GULP1: variants seen among roughly 807,000 people sequenced by gnomAD.
GULP1 encodes the protein GULP PTB domain containing engulfment adaptor 1.
GULP1 carries 19 observed loss-of-function variants against 40.9 expected under a neutral mutation model. That is an observed-to-expected ratio of 0.46 (90% CI 0.32 to 0.68). The LOEUF (loss-of-function observed/expected upper bound fraction) is 0.68. Ranked by LOEUF, GULP1 falls within the 30% of genes least tolerant of loss-of-function variation. GULP1 has a pLI of 0.03. For missense variants in GULP1, 312 were observed against 362.2 expected (o/e 0.86, Z 1.12); for synonymous variants, 119 against 117.6 (o/e 1.01, Z -0.08).
chr2:188,370,897 A>C (rs2152437433), intron 1 of GULP1, among the ~76,000 whole-genome samples: 1 of 152,062 alleles, frequency 6.6e-6, no homozygotes, highest in South Asian at 2.1e-4. Context: ...TGTTGGTTTG[A>C]TTTTTGGCAG....
At chr2:188,352,521 G>T (rs2044594054) in intron 1 of GULP1, among the ~76,000 whole-genome samples, 1 of 151,680 alleles carries the variant, frequency 6.6e-6, no homozygotes, top group Non-Finnish European at 1.5e-5. Flanking sequence ...TTCCGTCATT[G>T]CATGAGCCCA....
intron 2 of GULP1, among the ~76,000 whole-genome samples, chr2:188,400,095 G>C (rs1333565609): frequency 6.6e-6 from 1 of 152,066 alleles, no homozygotes; most frequent in Non-Finnish European, 1.5e-5. Flanking sequence ...CAAAACCTAG[G>C]TACCAGGGGT....
In GULP1 at chr2:188,398,212, C is replaced by T. The variant is rs994285243; in HGVS notation, c.-45+14323C>T. On this transcript the variant is annotated intron_variant, in intron 2 of 11. Coordinates refer to ENST00000409830, the MANE Select transcript of GULP1 (RefSeq NM_016315.4). ...AAGGAACAAAATTTCTACTACAGCC[C>T]GGGGAGAAAGTGCTACGTTTCCAAC... Among the ~76,000 whole-genome samples the T allele has an allele frequency of 6.6e-5, 10 of 152,242 alleles. 1 individual carries two copies. The highest frequency in any genetic ancestry group is 4.2e-4 in the South Asian group (2 of 4,818).
intron 4 of GULP1, among the ~76,000 whole-genome samples, chr2:188,512,622 T>G (rs773827599): frequency 7.2e-5 from 11 of 152,232 alleles, no homozygotes; most frequent in East Asian, 1.9e-4. Flanking sequence ...AAAGCAGATA[T>G]TCTAAATGAG....
chr2:188,328,133 T>C (rs1260838380), intron 1 of GULP1, among the ~76,000 whole-genome samples: 1 of 152,130 alleles, frequency 6.6e-6, no homozygotes, highest in African/African-American at 2.4e-5. Context: ...TAATAACATA[T>C]CTGATTACCT....
At chr2:188,329,913 A>G (rs564077480) in intron 1 of GULP1, among the ~76,000 whole-genome samples, 3 of 152,288 alleles carry the variant, frequency 2.0e-5, no homozygotes, top group South Asian at 2.1e-4. Context: ...CTTTTCTGAT[A>G]GGAGAATAGT....
chr2:188,448,297 A>G (rs753895754), intron 2 of GULP1, among the ~76,000 whole-genome samples: 7 of 152,274 alleles, frequency 4.6e-5, no homozygotes, highest in Middle Eastern at 3.4e-3. Context: ...CAGGATCTGT[A>G]TTATTTCTTT....
chr2:188,365,952 A>G lies in GULP1; in HGVS notation c.-171-17811A>G, dbSNP rs141126927. 4.3e-3 allele frequency among the ~76,000 whole-genome samples: 658 copies of G among 152,322 alleles called. 10 individuals are homozygous for G. Among genetic ancestry groups the G allele is most frequent in the African/African-American group, 0.015 (623 of 41,574 alleles). On this transcript the variant is annotated intron_variant, in intron 1 of 11. Coordinates refer to ENST00000409830, the MANE Select transcript of GULP1 (RefSeq NM_016315.4). The stretch of plus-strand genomic sequence containing the variant: ...CAAGTGGCCAGAACATTAGTAGGTT[A>G]GTGTCATACCAATGCCAGGGCCAGA...
At chr2:188,376,523 A>G (rs770665493) in intron 1 of GULP1, among the ~76,000 whole-genome samples, 25 of 152,256 alleles carry the variant, frequency 1.6e-4, no homozygotes, top group Non-Finnish European at 3.2e-4. Flanking sequence ...AAAGGCCATA[A>G]GCCATAAGGT....
intron 6 of GULP1, among the ~76,000 whole-genome samples, chr2:188,538,994 T>C (rs1426368505): frequency 6.6e-6 from 1 of 152,126 alleles, no homozygotes; most frequent in Admixed American, 6.6e-5. Context: ...ATAGAATCTT[T>C]ATTTTTTTTT....
At chr2:188,498,139 C>T (rs2063078916) in intron 4 of GULP1, among the ~76,000 whole-genome samples, 1 of 151,834 alleles carries the variant, frequency 6.6e-6, no homozygotes, top group African/African-American at 2.4e-5. Flanking sequence ...GGTGAGGTGG[C>T]CATTATAATC....
At chr2:188,525,345 C>A (rs574762033) in intron 5 of GULP1, among the ~76,000 whole-genome samples, 1 of 151,946 alleles carries the variant, frequency 6.6e-6, no homozygotes, top group Non-Finnish European at 1.5e-5. Flanking sequence ...GAGCCGCGAT[C>A]GCGCCATTGC....
Position 188,575,854 on chromosome 2 carries a change from T to C in GULP1, c.609+5734T>C, listed in dbSNP as rs79542030. Among the ~76,000 whole-genome samples, 86 of 152,200 alleles carry C rather than the reference T, an allele frequency of 5.7e-4. No individual in the cohort carries two copies. In the East Asian group the frequency reaches 0.016, roughly 28 times the overall value. On this transcript the variant is annotated intron_variant, in intron 9 of 11. Transcript: ENST00000409830. ...AGCATGGACTCTAAAGAGGCCAAAG[T>C]GATATCCCAGAAGGAGACATTTCAG...
intron 2 of GULP1, among the ~76,000 whole-genome samples, chr2:188,469,671 G>A (rs183532050): frequency 2.0e-5 from 3 of 152,266 alleles, no homozygotes; most frequent in East Asian, 1.9e-4. Context: ...TCTTCATTTA[G>A]TATGATAGTA....
chr2:188,401,575 A>G (rs939251095), intron 2 of GULP1, among the ~76,000 whole-genome samples: 2 of 152,142 alleles, frequency 1.3e-5, no homozygotes, highest in South Asian at 4.1e-4. Flanking sequence ...AAGATTGAGC[A>G]TCTTTTGATT....
chr2:188,380,765 T>C (rs1197852833), intron 1 of GULP1, among the ~76,000 whole-genome samples: 1 of 152,320 alleles, frequency 6.6e-6, no homozygotes, highest in Non-Finnish European at 1.5e-5. Context: ...CTGTATTTCA[T>C]ATGATGACAA....
At chr2:188,541,349 G>A (rs772202033) in intron 7 of GULP1, 31 bp downstream of exon 7, 2 of 1,598,936 alleles carry the variant, frequency 1.3e-6, no homozygotes, top group Non-Finnish European at 1.7e-6. Context: ...AGGGTGGTTT[G>A]TTCTGTTTTA....
At chr2:188,517,604 G>A (rs565063456) in intron 4 of GULP1, among the ~76,000 whole-genome samples, 44 of 152,082 alleles carry the variant, frequency 2.9e-4, no homozygotes, top group Non-Finnish European at 6.2e-4. Context: ...TCACTCAAAA[G>A]CCAACTGGCG....
intron 1 of GULP1, among the ~76,000 whole-genome samples, chr2:188,353,612 G>A (rs2044820269): frequency 6.6e-6 from 1 of 151,996 alleles, no homozygotes; most frequent in Non-Finnish European, 1.5e-5. Context: ...GCCTAGAGCA[G>A]TCACCGCTGC....
Sources: allele counts gnomAD v4.1 joint callset (sites outside exome capture counted in the v4.1 genomes callset), GRCh38; gene constraint gnomAD v4.1.1; transcripts MANE v1.5; gene names NCBI Gene and HGNC (gene_info 2026-07-23, HGNC 2026-07-21).